OSBPL1A: variants seen among roughly 807,000 people sequenced by gnomAD.
The protein encoded by OSBPL1A is oxysterol binding protein like 1A.
In OSBPL1A, 80 loss-of-function variants were observed where a neutral mutation model predicts 137.1. The ratio of observed to expected loss-of-function variants is 0.58; its 90% CI spans 0.49 to 0.70. The LOEUF is 0.70. OSBPL1A is among the 30% of genes least tolerant of loss of function. The pLI, the probability that OSBPL1A is intolerant of heterozygous loss-of-function variation, is 0.00. For synonymous variants in OSBPL1A, 365 were observed against 389.7 expected (o/e 0.94, Z 0.75); for missense variants, 970 against 1,129.4 (o/e 0.86, Z 2.02).
chr18:24,226,887 ATTTTTTT>A (rs5823416), intron 16 of OSBPL1A, among the ~76,000 whole-genome samples: 1,200 of 100,882 alleles, frequency 0.012, 23 homozygotes, highest in African/African-American at 0.042. Context: ...AAAGAAACAG[ATTTTTTT>A]TTTTTTTTTT....
chr18:24,373,788 G>T (rs920842467), intron 2 of OSBPL1A, among the ~76,000 whole-genome samples: 1 of 152,144 alleles, frequency 6.6e-6, no homozygotes, highest in Non-Finnish European at 1.5e-5. Context: ...CCCCCACATG[G>T]AAACACTATT....
At position 24,193,119 on chromosome 18, in the gene OSBPL1A, C is replaced by A. The variant is rs573125445; in HGVS notation, c.1677+3006G>T. ...GAGAGATGATAGCTGAAGGTATACACATGGCTTCTAGAACTCAGTTTCACC... is the reference window on the plus strand; with the variant it reads ...GAGAGATGATAGCTGAAGGTATACAAATGGCTTCTAGAACTCAGTTTCACC... On this transcript the variant is annotated intron_variant, in intron 18 of 27. Transcript: ENST00000319481. 3.9e-5 allele frequency among the ~76,000 whole-genome samples: 6 copies of A among 152,346 alleles called. No homozygotes were observed. The South Asian group carries it at 1.2e-3, about 32-fold the overall frequency.
intron 14 of OSBPL1A, among the ~76,000 whole-genome samples, chr18:24,301,817 T>A (rs1203309923): frequency 6.6e-6 from 1 of 152,222 alleles, no homozygotes; most frequent in African/African-American, 2.4e-5. Flanking sequence ...TAGGTACACT[T>A]GGACAGATAC....
At chr18:24,368,103 T>G (rs928769462) in intron 3 of OSBPL1A, 184 bp downstream of exon 3, 1 of 398,330 alleles carries the variant, frequency 2.5e-6, no homozygotes, top group African/African-American at 2.1e-5. Flanking sequence ...CATACAATTT[T>G]AATTAATCAG....
chr18:24,237,489 G>C (rs1234028198), intron 16 of OSBPL1A, among the ~76,000 whole-genome samples: 1 of 152,108 alleles, frequency 6.6e-6, no homozygotes, highest in Non-Finnish European at 1.5e-5. Context: ...ATTTTCAGTA[G>C]AGACGGGGTT....
At position 24,179,879 on chromosome 18, in the gene OSBPL1A, G is replaced by A. The variant is rs201375877; in HGVS notation, c.1813-44C>T. 252 of 1,499,956 alleles carry A rather than the reference G, an allele frequency of 1.7e-4. 1 individual carries two copies. The African/African-American group carries it at 2.6e-3, about 15-fold the overall frequency. The allele number at this position is 1,499,956 out of a possible 1,614,324, so 92.9% of individuals were successfully genotyped here. On this transcript the variant is annotated intron_variant, in intron 19 of 27. Transcript: ENST00000319481. Reference sequence around the variant, plus strand: ...GAACAAGTCAAAAATAGCCGAGCTCGCTCCGCATTCTTTTAGGAACTGAAA... The same window carrying A: ...GAACAAGTCAAAAATAGCCGAGCTCACTCCGCATTCTTTTAGGAACTGAAA...
At chr18:24,330,632 G>A (rs572063479) in intron 7 of OSBPL1A, among the ~76,000 whole-genome samples, 186 of 148,850 alleles carry the variant, frequency 1.2e-3, no homozygotes, top group Non-Finnish European at 2.2e-3. Context: ...CTACAGGCAC[G>A]TGCCACCACT....
intron 23 of OSBPL1A, among the ~76,000 whole-genome samples, 185 bp downstream of exon 23, chr18:24,171,224 T>C (rs768132978): frequency 1.3e-5 from 2 of 151,178 alleles, no homozygotes; most frequent in Non-Finnish European, 2.9e-5. Flanking sequence ...TTAGTAGAGA[T>C]GGGGTTTTAC....
chr18:24,304,242 T>A (rs890601089), intron 13 of OSBPL1A, among the ~76,000 whole-genome samples: 1 of 152,320 alleles, frequency 6.6e-6, no homozygotes, highest in Non-Finnish European at 1.5e-5. Flanking sequence ...TCTTAGTGTG[T>A]CAAAGCTTCT....
chr18:24,397,563 GCGGAC>G (rs1907845507), intron 1 of OSBPL1A, 87 bp downstream of exon 1: 1 of 152,232 alleles, frequency 6.6e-6, no homozygotes, highest in Non-Finnish European at 1.5e-5. Context: ...CCAACCAGGC[GCGGAC>G]AGACCTCCCG....
chr18:24,213,458 A>ATCCCAGCAT (rs1426340465), intron 17 of OSBPL1A, among the ~76,000 whole-genome samples: 1 of 152,024 alleles, frequency 6.6e-6, no homozygotes, highest in African/African-American at 2.4e-5. Context: ...AATCCCAGCA[A>ATCCCAGCAT]TCCCAGCTAC....
In OSBPL1A at chr18:24,181,527, C is replaced by T. The variant is rs78760467; in HGVS notation, c.1678-248G>A. On this transcript the variant is annotated intron_variant, in intron 18 of 27. Coordinates refer to ENST00000319481, the MANE Select transcript of OSBPL1A (RefSeq NM_080597.4). ...ATTCTCCTTGGCTCCAGGGAGCTCA[C>T]TACCTGCTGGTGAGCATGAGCAGAT... Among the ~76,000 whole-genome samples the T allele has an allele frequency of 6.2e-3, 939 of 152,280 alleles. 19 individuals are homozygous for T. The highest frequency in any genetic ancestry group is 0.021 in the African/African-American group (891 of 41,558).
At chr18:24,219,892 A>G (rs1475591073) in intron 17 of OSBPL1A, among the ~76,000 whole-genome samples, 1 of 152,184 alleles carries the variant, frequency 6.6e-6, no homozygotes, top group East Asian at 1.9e-4. Flanking sequence ...TTCCTAGTAT[A>G]CTTGAAGTGA....
At chr18:24,376,967 C>T (rs1906214858) in intron 2 of OSBPL1A, among the ~76,000 whole-genome samples, 1 of 152,224 alleles carries the variant, frequency 6.6e-6, no homozygotes, top group Non-Finnish European at 1.5e-5. Flanking sequence ...TAGCGCCTCT[C>T]CTTCCACACC....
Position 24,172,413 on chromosome 18 carries a change from T to G in OSBPL1A, c.2164A>C (p.Ile722Leu), listed in dbSNP as rs760116176. The G allele has an allele frequency of 6.2e-7, 1 of 1,613,990 alleles. No homozygotes were observed. Among genetic ancestry groups the G allele is most frequent in the South Asian group, 1.1e-5 (1 of 91,072 alleles). The change falls in exon 22 of 28, where the codon ATC becomes CTC. Residue 722 changes from isoleucine to leucine, a missense_variant. Physicochemically the swap from Ile to Leu is conservative, Grantham distance 5. This residue lies in a region of OSBPL1A where 323 missense variants were observed against 456.8 expected (regional missense o/e 0.71). Transcript: ENST00000319481. Reference sequence around the variant, plus strand: ...ATTTCCACATTGCCATACTGTTCGATCCACAGTTTACCCACAATGATATTA... The same window carrying G: ...ATTTCCACATTGCCATACTGTTCGAGCCACAGTTTACCCACAATGATATTA... ...VHNIIVGKLW[I>L]EQYGNVEIIN...
chr18:24,163,303 G>T, intron 27 of OSBPL1A, 22 bp from the exon 28 acceptor site: 1 of 1,523,108 alleles, frequency 6.6e-7, no homozygotes, highest in South Asian at 1.2e-5. Flanking sequence ...AAAAGGACAA[G>T]ACTTACAGGG....
chr18:24,250,952 A>C (rs1007493412), intron 15 of OSBPL1A, among the ~76,000 whole-genome samples: 4 of 152,136 alleles, frequency 2.6e-5, no homozygotes, highest in African/African-American at 9.7e-5. Flanking sequence ...TTAAGTGAAC[A>C]TCAGCAGTGG....
chr18:24,374,019 G>A (rs766432989), intron 2 of OSBPL1A, among the ~76,000 whole-genome samples: 9 of 152,136 alleles, frequency 5.9e-5, no homozygotes, highest in Non-Finnish European at 1.2e-4. Context: ...GGGTGGAGGT[G>A]GGAAGGGGAG....
intron 16 of OSBPL1A, among the ~76,000 whole-genome samples, chr18:24,233,635 C>A (rs1410301597): frequency 1.3e-5 from 2 of 151,898 alleles, no homozygotes; most frequent in Non-Finnish European, 2.9e-5. Flanking sequence ...TTCTTTCTTT[C>A]TCTCTTTCTC....
Sources: gnomAD v4.1 joint callset for allele counts (sites outside exome capture counted in the v4.1 genomes callset) on GRCh38, gnomAD v4.1.1 for gene constraint, gnomAD v4.1.1 regional missense constraint, MANE v1.5 for transcripts, NCBI Gene and HGNC (gene_info 2026-07-23, HGNC 2026-07-21) for gene names.